TG: variants seen among roughly 807,000 people sequenced by gnomAD.
The protein encoded by TG is thyroid hormones.
A neutral mutation model predicts 324.7 loss-of-function variants in TG; 270 were observed. That is an observed-to-expected ratio of 0.83 (90% confidence interval 0.75 to 0.92). The LOEUF is 0.92. TG is among the 40% of genes least tolerant of loss of function. The pLI is 0.00. For missense variants in TG, 3,591 were observed against 3,456.4 expected (o/e 1.04, Z -0.98); for synonymous variants, 1,401 against 1,327.0 (o/e 1.06, Z -1.21).
chr8:132,876,921 C>G (rs993691293), intron 5 of TG, among the ~76,000 whole-genome samples: 50 of 152,214 alleles, frequency 3.3e-4, no homozygotes, highest in African/African-American at 1.2e-3. Flanking sequence ...AGTCTAACTT[C>G]AAATGCCTTA....
chr8:133,099,288 G>A (rs2958668), intron 43 of TG, among the ~76,000 whole-genome samples: 39,516 of 152,096 alleles, frequency 0.26, 5,302 homozygotes, highest in South Asian at 0.3. Context: ...TTCTGGCTTC[G>A]CTTCTTCATT....
intron 45 of TG, among the ~76,000 whole-genome samples, chr8:133,118,863 T>A (rs1185973330): frequency 6.6e-6 from 1 of 152,216 alleles, no homozygotes; most frequent in Non-Finnish European, 1.5e-5. Context: ...GTTAAGGATC[T>A]TGGCGTGGGG....
At chr8:132,955,947 A>G (rs1826800346) in intron 27 of TG, among the ~76,000 whole-genome samples, 1 of 152,216 alleles carries the variant, frequency 6.6e-6, no homozygotes, top group Admixed American at 6.5e-5. Context: ...AGCCTTGATC[A>G]CAGGGGCAGC....
chr8:132,875,875 C>T (rs114051078), intron 5 of TG, among the ~76,000 whole-genome samples: 4 of 152,066 alleles, frequency 2.6e-5, no homozygotes, highest in South Asian at 2.1e-4. Flanking sequence ...CCTGGGTAGT[C>T]GCAGGCCCAG....
At chr8:133,024,575 A>G (rs1835901228) in intron 40 of TG, among the ~76,000 whole-genome samples, 1 of 148,180 alleles carries the variant, frequency 6.7e-6, no homozygotes, top group Non-Finnish European at 1.5e-5. Context: ...CCGCCCCCCA[A>G]CAGGCCGTGG....
At chr8:132,921,665 G>C (rs1821128217) in intron 21 of TG, among the ~76,000 whole-genome samples, 1 of 152,088 alleles carries the variant, frequency 6.6e-6, no homozygotes, top group African/African-American at 2.4e-5. Context: ...CTCTATTATT[G>C]ATCTTGCTTA....
In TG at chr8:133,112,512, G is replaced by A. The variant is rs559851371; in HGVS notation, c.7573-910G>A. On this transcript the variant is annotated intron_variant, in intron 43 of 47. Coordinates refer to ENST00000220616, the MANE Select transcript of TG (RefSeq NM_003235.5). ...CAGCAGCAACACCAGAACAAGGAAG[G>A]AACAGAGAGAGGGGGGAATTTCAGA... Among the ~76,000 whole-genome samples, 3 of 151,900 alleles carry A rather than the reference G, an allele frequency of 2.0e-5. No individual in the cohort carries two copies. The South Asian group carries it at 6.3e-4, about 32-fold the overall frequency.
intron 16 of TG, among the ~76,000 whole-genome samples, chr8:132,902,943 A>T (rs1335937999): frequency 6.6e-6 from 1 of 152,178 alleles, no homozygotes; most frequent in Non-Finnish European, 1.5e-5. Flanking sequence ...ATGCAGGTAA[A>T]TAGATAGAGC....
chr8:132,906,132 A>G (rs181475571), intron 16 of TG, among the ~76,000 whole-genome samples: 2 of 152,310 alleles, frequency 1.3e-5, no homozygotes, highest in African/African-American at 4.8e-5. Flanking sequence ...GGCAAAGAGC[A>G]TTTGCTGGCA....
At chr8:132,967,110 GATCCATCCATCCATCCATCC>G (rs58544413) in intron 30 of TG, among the ~76,000 whole-genome samples, 20 of 129,204 alleles carry the variant, frequency 1.5e-4, no homozygotes, top group Non-Finnish European at 6.5e-5. Flanking sequence ...CCATCCATTC[GATCCATCCATCCATCCATCC>G]ATCCATCCAT....
intron 41 of TG, among the ~76,000 whole-genome samples, chr8:133,032,062 G>A (rs1836692318): frequency 6.6e-6 from 1 of 152,118 alleles, no homozygotes; most frequent in Non-Finnish European, 1.5e-5. Context: ...GCTCTCCACG[G>A]GACCCCGAGC....
intron 23 of TG, among the ~76,000 whole-genome samples, chr8:132,932,420 A>G (rs911051744): frequency 1.3e-5 from 2 of 152,182 alleles, no homozygotes; most frequent in Non-Finnish European, 2.9e-5. Flanking sequence ...TGGATTGCAA[A>G]GGTATTCAAG....
chr8:133,076,791 G>C (rs991164963), intron 41 of TG: 1 of 144,736 alleles, frequency 6.9e-6, no homozygotes, highest in Admixed American at 6.9e-5. Context: ...AACTGCAAAA[G>C]CCCTGCCCTT....
At chr8:133,019,104 G>A (rs1471539439) in intron 38 of TG, among the ~76,000 whole-genome samples, 1 of 152,204 alleles carries the variant, frequency 6.6e-6, no homozygotes, top group Non-Finnish European at 1.5e-5. Flanking sequence ...TAAGGATTAG[G>A]TGATGAGCCA....
chr8:132,888,081 C>T lies in TG; in HGVS notation c.2274C>T (p.Thr758=). The T allele has an allele frequency of 6.2e-7, 1 of 1,614,188 alleles. No individual in the cohort carries two copies. Among genetic ancestry groups the T allele is most frequent in the Non-Finnish European group, 8.5e-7 (1 of 1,180,034 alleles). The change falls in exon 10 of 48, where the codon ACC becomes ACT. Residue 758 remains threonine, a synonymous_variant. Transcript: ENST00000220616. ...GCATGCTACCCACCCTTTCCGACAC[C>T]TACATCCCACAGTGCAGCACCGATG... The part of the protein sequence containing the change: ...NSSMLPTLSD[T]YIPQCSTDGQ...
chr8:132,945,970 T>C (rs1423180982), intron 26 of TG, among the ~76,000 whole-genome samples: 1 of 152,046 alleles, frequency 6.6e-6, no homozygotes, highest in Non-Finnish European at 1.5e-5. Flanking sequence ...TAAAATTCCT[T>C]CTACATTTAA....
At chr8:133,073,878 C>T (rs1349702574) in intron 41 of TG, among the ~76,000 whole-genome samples, 2 of 152,056 alleles carry the variant, frequency 1.3e-5, no homozygotes, top group Admixed American at 1.3e-4. Context: ...CCTCAGTTTT[C>T]AAAAGCAAAT....
At chr8:133,127,413 G>A (rs1851603096) in intron 45 of TG, among the ~76,000 whole-genome samples, 1 of 152,180 alleles carries the variant, frequency 6.6e-6, no homozygotes, top group African/African-American at 2.4e-5. Context: ...GATGAGCAGT[G>A]TGGCAGAGAG....
chr8:132,928,729 A>G (rs1483490398), intron 22 of TG, among the ~76,000 whole-genome samples: 5 of 152,260 alleles, frequency 3.3e-5, no homozygotes, highest in African/African-American at 1.2e-4. Flanking sequence ...ATGCCAGTAA[A>G]ATAGTTATAT....
Sources: gnomAD v4.1 joint callset for allele counts (sites outside exome capture counted in the v4.1 genomes callset) on GRCh38, gnomAD v4.1.1 for gene constraint, MANE v1.5 for transcripts, NCBI Gene and HGNC (gene_info 2026-07-23, HGNC 2026-07-21) for gene names.